Variants in CCR3 observed in about 807,000 individuals in gnomAD.
CCR3 encodes C-C chemokine receptor type 3.
For missense variants in CCR3, 419 were observed against 437.5 expected, an observed-to-expected ratio of 0.96 and a Z score of 0.38; for synonymous variants, 203 against 179.2, an observed-to-expected ratio of 1.13 and a Z score of -1.06.
intron 1 of CCR3, among the ~76,000 whole-genome samples, chr3:46,256,973 C>T (rs1345128055): frequency 1.3e-5 from 2 of 149,640 alleles, no homozygotes; most frequent in African/African-American, 5.0e-5. Flanking sequence ...ACACACAATG[C>T]TTACACACAA....
chr3:46,213,146 AAAT>A (rs1699736592), intron 2 of CCR3, among the ~76,000 whole-genome samples: 1 of 152,220 alleles, frequency 6.6e-6, no homozygotes, highest in African/African-American at 2.4e-5. Context: ...TTACAGCCTA[AAAT>A]ACAACCTCAG....
intron 1 of CCR3, chr3:46,264,478 G>C: frequency 6.7e-7 from 1 of 1,486,204 alleles, no homozygotes; most frequent in Non-Finnish European, 9.0e-7. Context: ...TTTTTCAAAA[G>C]TTAAATTTAA....
At chr3:46,259,545 TATAAC>T (rs1192513307) in intron 1 of CCR3, among the ~76,000 whole-genome samples, 1 of 152,268 alleles carries the variant, frequency 6.6e-6, no homozygotes, top group South Asian at 2.1e-4. Context: ...TCTATACAAA[TATAAC>T]ATAAAGAAGA....
chr3:46,256,773 T>C (rs1020714603), intron 1 of CCR3, among the ~76,000 whole-genome samples: 32 of 152,290 alleles, frequency 2.1e-4, no homozygotes, highest in African/African-American at 7.5e-4. Flanking sequence ...TGTAGTCATC[T>C]GAAATACTGT....
In CCR3 at chr3:46,242,982, C is replaced by CATATATATATATATATATATACACAT. The variant is rs1553644086; in HGVS notation, c.-12+466_-12+467insACATATATATATATATATATATATAC. On this transcript the variant is annotated intron_variant, in intron 1 of 1. Coordinates refer to ENST00000395940, the MANE Select transcript of CCR3 (RefSeq NM_178329.3). ...ATATGTGTATATATATATATATACACATATATATATATATATATATACGCA... is the reference window on the plus strand; with the variant it reads ...ATATGTGTATATATATATATATACACATATATATATATATATATATACACATATATATATATATATATATATACGCA... Among the ~76,000 whole-genome samples the CATATATATATATATATATATACACAT allele has an allele frequency of 8.2e-4, 81 of 99,296 alleles. 2 individuals are homozygous for CATATATATATATATATATATACACAT. The highest frequency in any genetic ancestry group is 3.4e-3 in the African/African-American group (73 of 21,740). The allele number at this position is 99,296 out of a possible 152,430, so 65.1% of individuals were successfully genotyped here.
At chr3:46,241,166 G>GCTCTCTCCCTCT (rs1700078675), upstream of CCR3, among the ~76,000 whole-genome samples, 1 of 149,208 alleles carries the variant, frequency 6.7e-6, no homozygotes, top group African/African-American at 2.5e-5. Flanking sequence ...ATGTGTGTGC[G>GCTCTCTCCCTCT]CTCTCTCTCT....
chr3:46,245,026 T>G (rs1298376951), intron 1 of CCR3, among the ~76,000 whole-genome samples: 1 of 152,204 alleles, frequency 6.6e-6, no homozygotes, highest in Non-Finnish European at 1.5e-5. Context: ...CAAAATCATT[T>G]GGCTGGTGGG....
At chr3:46,220,524 T>A (rs981005536) in intron 2 of CCR3, among the ~76,000 whole-genome samples, 2 of 152,070 alleles carry the variant, frequency 1.3e-5, no homozygotes, top group Non-Finnish European at 2.9e-5. Context: ...GGAAAAGAAG[T>A]CGTTACAATG....
At chr3:46,237,547 A>T (rs1158718710), upstream of CCR3, among the ~76,000 whole-genome samples, 1 of 152,136 alleles carries the variant, frequency 6.6e-6, no homozygotes, top group East Asian at 1.9e-4. Flanking sequence ...CTATGTTTTC[A>T]TGTAGTAGTT....
chr3:46,266,067 T>C lies in CCR3; in HGVS notation c.909T>C (p.Phe303=). The change falls in exon 2 of 2, where the codon TTT becomes TTC. Residue 303 remains phenylalanine (F), a synonymous_variant. Coordinates refer to ENST00000395940, the MANE Select transcript of CCR3 (RefSeq NM_178329.3). ...HCCMNPVIYA[F]VGERFRKYLR... is the part of the protein sequence containing the mutation. ...GCATGAACCCGGTGATCTACGCCTT[T>C]GTTGGAGAGAGGTTCCGGAAGTACC... 6.2e-7 allele frequency: 1 copy of C among 1,614,030 alleles called. No homozygotes were observed. The highest frequency in any genetic ancestry group is 8.5e-7 in the Non-Finnish European group (1 of 1,179,992).
At chr3:46,225,180 G>A (rs1699880016) in intron 2 of CCR3, among the ~76,000 whole-genome samples, 1 of 152,182 alleles carries the variant, frequency 6.6e-6, no homozygotes, top group Admixed American at 6.5e-5. Flanking sequence ...GATCAGCAGT[G>A]ATAGAAATAA....
chr3:46,249,464 T>C (rs9714379), intron 1 of CCR3, among the ~76,000 whole-genome samples: 92,881 of 151,736 alleles, frequency 0.61, 29,010 homozygotes, highest in East Asian at 0.91. Context: ...GGGTAGCCTC[T>C]GTATTGATTA....
intron 1 of CCR3, among the ~76,000 whole-genome samples, chr3:46,246,064 T>A (rs990847709): frequency 6.6e-6 from 1 of 152,218 alleles, no homozygotes; most frequent in African/African-American, 2.4e-5. Flanking sequence ...CTTCCTTCTA[T>A]AGTCTAGGTT....
Position 46,265,731 on chromosome 3 carries a change from A to G in CCR3, c.573A>G (p.Thr191=). Residue 191 remains threonine, a synonymous_variant, in exon 2 of 2, where the codon ACA becomes ACG. Coordinates refer to ENST00000395940, the MANE Select transcript of CCR3 (RefSeq NM_178329.3). ...TLCSALYPED[T]VYSWRHFHTL... is the part of the protein sequence containing the mutation. The stretch of plus-strand genomic sequence containing the variant: ...GCAGTGCTCTTTACCCAGAGGATAC[A>G]GTATATAGCTGGAGGCATTTCCACA... The G allele has an allele frequency of 6.2e-7, 1 of 1,613,912 alleles. No individual in the cohort carries two copies. Among genetic ancestry groups the G allele is most frequent in the Non-Finnish European group, 8.5e-7 (1 of 1,179,964 alleles).
intron 2 of CCR3, among the ~76,000 whole-genome samples, chr3:46,234,288 C>T (rs1190771521): frequency 6.6e-6 from 1 of 152,114 alleles, no homozygotes; most frequent in African/African-American, 2.4e-5. Context: ...ATGCTTTTAT[C>T]CTAAGAGACA....
chr3:46,245,965 T>A (rs1325098001), intron 1 of CCR3, among the ~76,000 whole-genome samples: 2 of 152,192 alleles, frequency 1.3e-5, no homozygotes, highest in African/African-American at 4.8e-5. Flanking sequence ...GGCATTTAGT[T>A]TGATTTCATG....
intron 1 of CCR3, among the ~76,000 whole-genome samples, chr3:46,263,179 C>T (rs2125935869): frequency 6.6e-6 from 1 of 152,282 alleles, no homozygotes; most frequent in South Asian, 2.1e-4. Flanking sequence ...CTGAGCAAAA[C>T]TTAAGTAATT....
At chr3:46,223,703 T>C (rs1699862292) in intron 2 of CCR3, among the ~76,000 whole-genome samples, 1 of 152,204 alleles carries the variant, frequency 6.6e-6, no homozygotes, top group Non-Finnish European at 1.5e-5. Context: ...GTGTCACTTG[T>C]ATCAATCTGT....
chr3:46,252,350 T>C (rs1232405555), intron 1 of CCR3, among the ~76,000 whole-genome samples: 1 of 151,800 alleles, frequency 6.6e-6, no homozygotes, highest in Non-Finnish European at 1.5e-5. Context: ...CTAATTTTTT[T>C]TTTTTTAAAG....
Sources: gnomAD v4.1 joint callset for allele counts (sites outside exome capture counted in the v4.1 genomes callset) on GRCh38, gnomAD v4.1.1 for gene constraint, MANE v1.5 for transcripts, NCBI Gene and HGNC (gene_info 2026-07-23, HGNC 2026-07-21) for gene names.